TECPR2: variants seen among roughly 807,000 people sequenced by gnomAD.
The protein encoded by TECPR2 is tectonin beta-propeller repeat containing 2, also known as tectonin beta-propeller repeat-containing protein 2.
In TECPR2, 65 loss-of-function variants were observed where a neutral mutation model predicts 138.1. The observed-to-expected ratio is 0.47, with a 90% CI of 0.39 to 0.58. The LOEUF is 0.58. TECPR2 is among the 20% of genes least tolerant of loss of function. The pLI is 0.00. For missense variants in TECPR2, 1,553 were observed against 1,824.5 expected (o/e 0.85, Z 2.71); for synonymous variants, 746 against 749.8 (o/e 0.99, Z 0.08).
At chr14:102,401,804 CAAA>C (rs34413626) in intron 2 of TECPR2, among the ~76,000 whole-genome samples, 179 of 68,948 alleles carry the variant, frequency 2.6e-3, no homozygotes, top group Middle Eastern at 0.01. Context: ...GACTCCGTCT[CAAA>C]AAAAAAAAAA....
intron 13 of TECPR2, among the ~76,000 whole-genome samples, chr14:102,446,724 C>G (rs921523977): frequency 6.6e-6 from 1 of 152,148 alleles, no homozygotes; most frequent in African/African-American, 2.4e-5. Context: ...ATGGATTAGA[C>G]TTTGCTGTGT....
intron 17 of TECPR2, among the ~76,000 whole-genome samples, chr14:102,467,066 A>C (rs1890561653): frequency 6.6e-6 from 1 of 152,176 alleles, no homozygotes; most frequent in Admixed American, 6.6e-5. Flanking sequence ...TCATTTCACC[A>C]GTGGATGGAC....
rs2139746567 is a variant in TECPR2 at position 102,445,855 on chromosome 14, ACT to A, written c.2988_2989del (p.Trp997GlyfsTer23). The A allele has an allele frequency of 6.2e-7, 1 of 1,613,578 alleles. No homozygotes were observed. Among genetic ancestry groups the A allele is most frequent in the Non-Finnish European group, 8.5e-7 (1 of 1,179,898 alleles). ...PVCITLGDQQTLWALDIHGNL... is the reference protein window; with the variant it reads ...PVCITLGDQQXLWALDIHGNL... Reference sequence around the variant, plus strand: ...CTGCATAACGCTCGGGGATCAGCAGACTCTCTGGGCCCTGGACATCCATGGGA... The same window carrying A: ...CTGCATAACGCTCGGGGATCAGCAGACTCTGGGCCCTGGACATCCATGGGA... On this transcript the variant is annotated frameshift_variant, in exon 13 of 20. Transcript: ENST00000359520. LOFTEE classifies it high-confidence loss of function.
At chr14:102,395,376 G>A (rs983986524) in intron 2 of TECPR2, among the ~76,000 whole-genome samples, 3 of 152,082 alleles carry the variant, frequency 2.0e-5, no homozygotes, top group Non-Finnish European at 4.4e-5. Flanking sequence ...TGAAGATGTC[G>A]CCATATATCT....
At chr14:102,488,351 T>A (rs1164298071) in intron 17 of TECPR2, among the ~76,000 whole-genome samples, 1 of 151,518 alleles carries the variant, frequency 6.6e-6, no homozygotes, top group Admixed American at 6.6e-5. Context: ...TTTTTTTTAT[T>A]TTTTTGATAC....
chr14:102,468,706 C>CTG (rs1890602890), intron 17 of TECPR2, among the ~76,000 whole-genome samples: 1 of 152,128 alleles, frequency 6.6e-6, no homozygotes, highest in Non-Finnish European at 1.5e-5. Flanking sequence ...CAAAGATTTA[C>CTG]CTCTATGTTT....
rs1889799909 is a variant in TECPR2 at position 102,440,518 on chromosome 14, G to A, written c.2661G>A (p.Trp887Ter). The change falls in exon 11 of 20, where the codon TGG (tryptophan) becomes TGA (stop). Residue 887 changes from tryptophan to a stop codon, truncating the protein, a stop_gained. Coordinates refer to ENST00000359520, the MANE Select transcript of TECPR2 (RefSeq NM_014844.5). LOFTEE classifies it high-confidence loss of function. The part of the protein sequence containing the change: ...GKVTIKGKRH[W>*]YEALPQAVFV... ...TCACCATCAAGGGGAAGCGGCACTG[G>A]TACGAAGCCCTGCCCCAGGCAGTGT... 1.2e-6 allele frequency: 2 copies of A among 1,614,092 alleles called. No homozygotes were observed. Among genetic ancestry groups the A allele is most frequent in the Non-Finnish European group, 1.7e-6 (2 of 1,180,054 alleles).
rs779780867 is a variant in TECPR2, at chr14:102,438,015, T to C, written c.2395-7T>C. The C allele has an allele frequency of 6.2e-7, 1 of 1,612,912 alleles. No homozygotes were observed. Among genetic ancestry groups the C allele is most frequent in the Non-Finnish European group, 8.5e-7 (1 of 1,179,376 alleles). On this transcript the variant is annotated splice_region_variant and splice_polypyrimidine_tract_variant and intron_variant, in intron 9 of 19. Transcript: ENST00000359520. ...GCCACAGAACTCACTGGCTCTTCCC[T>C]TGTTAGTTTGCAGAAAGCTGGATGG...
intron 17 of TECPR2, among the ~76,000 whole-genome samples, chr14:102,491,103 A>G (rs1204591628): frequency 1.3e-5 from 2 of 151,946 alleles, no homozygotes; most frequent in Non-Finnish European, 2.9e-5. Context: ...CATATTGGTC[A>G]GGCTGGTCTC....
chr14:102,468,570 T>C (rs1890600593), intron 17 of TECPR2, among the ~76,000 whole-genome samples: 1 of 152,250 alleles, frequency 6.6e-6, no homozygotes, highest in African/African-American at 2.4e-5. Context: ...TTTTCTTCCA[T>C]TCTGTGCATT....
In TECPR2 at chr14:102,414,702, A is replaced by C; in HGVS notation, c.547A>C (p.Lys183Gln). Residue 183 changes from lysine (K) to glutamine (Q), a missense_variant, in exon 5 of 20, where the codon AAA (lysine) becomes CAA (glutamine). Physicochemically the swap from Lys to Gln is moderately conservative, Grantham distance 53. Coordinates refer to ENST00000359520, the MANE Select transcript of TECPR2 (RefSeq NM_014844.5). ...CATTGTGCAGCTGGATTATAGCCAG[A>C]AAGTGCTGCTGGTCTCTACTCTGCA... ...SSIVQLDYSQKVLLVSTLQRS... is the reference protein window; with the variant it reads ...SSIVQLDYSQQVLLVSTLQRS... The C allele has an allele frequency of 6.2e-7, 1 of 1,614,262 alleles. No individual in the cohort carries two copies. The highest frequency in any genetic ancestry group is 1.6e-4 in the Middle Eastern group (1 of 6,062).
At chr14:102,483,518 T>C (rs532011968) in intron 17 of TECPR2, among the ~76,000 whole-genome samples, 1 of 152,174 alleles carries the variant, frequency 6.6e-6, no homozygotes, top group African/African-American at 2.4e-5. Context: ...CACAGCTCAT[T>C]GTAGCTTTAA....
rs1482453292 is a variant in TECPR2 at position 102,435,022 on chromosome 14, T to C, written c.2205T>C (p.Thr735=). 1 of 1,614,072 alleles carries C rather than the reference T, an allele frequency of 6.2e-7. No homozygotes were observed. Among genetic ancestry groups the C allele is most frequent in the South Asian group, 1.1e-5 (1 of 91,080 alleles). The change falls in exon 9 of 20, where the codon ACT becomes ACC. Residue 735 remains threonine (T), a synonymous_variant. Coordinates refer to ENST00000359520, the MANE Select transcript of TECPR2 (RefSeq NM_014844.5). ...LTPVSALAAS[T]HKPWLEQPPR... is the part of the protein sequence containing the mutation. ...CGGTCTCTGCCTTGGCAGCCAGCAC[T>C]CACAAGCCCTGGCTTGAGCAGCCTC...
At chr14:102,493,490 C>T (rs1169570588) in intron 17 of TECPR2, among the ~76,000 whole-genome samples, 1 of 152,240 alleles carries the variant, frequency 6.6e-6, no homozygotes, top group Non-Finnish European at 1.5e-5. Flanking sequence ...CCCAAATCTG[C>T]ACCTCTGAAC....
At chr14:102,430,911 G>T (rs536705026) in intron 7 of TECPR2, among the ~76,000 whole-genome samples, 1 of 152,200 alleles carries the variant, frequency 6.6e-6, no homozygotes, top group South Asian at 2.1e-4. Context: ...TATATTCAAG[G>T]CAGAGTCTTA....
At chr14:102,374,492 T>C (rs1380761390) in intron 1 of TECPR2, among the ~76,000 whole-genome samples, 2 of 152,158 alleles carry the variant, frequency 1.3e-5, no homozygotes, top group Non-Finnish European at 2.9e-5. Flanking sequence ...CTGAGTGCAG[T>C]GGCTCATACC....
At chr14:102,366,202 C>T (rs1224154954) in intron 1 of TECPR2, among the ~76,000 whole-genome samples, 1 of 152,114 alleles carries the variant, frequency 6.6e-6, no homozygotes, top group Non-Finnish European at 1.5e-5. Flanking sequence ...GCAGTGAAGG[C>T]TAGCTGCCAC....
chr14:102,446,850 T>C (rs1432323915), intron 13 of TECPR2, among the ~76,000 whole-genome samples: 3 of 152,230 alleles, frequency 2.0e-5, no homozygotes, highest in Non-Finnish European at 2.9e-5. Flanking sequence ...TTTATTATTA[T>C]AGGCTAAATA....
chr14:102,461,625 C>T (rs1253436929), intron 16 of TECPR2, among the ~76,000 whole-genome samples: 1 of 152,204 alleles, frequency 6.6e-6, no homozygotes, highest in Non-Finnish European at 1.5e-5. Flanking sequence ...CAGATATCAG[C>T]GACTTCACAC....
Sources: gnomAD v4.1 joint callset for allele counts (sites outside exome capture counted in the v4.1 genomes callset) on GRCh38, gnomAD v4.1.1 for gene constraint, MANE v1.5 for transcripts, NCBI Gene and HGNC (gene_info 2026-07-23, HGNC 2026-07-21) for gene names.